The following TPTE2 variants were observed in gnomAD, a reference collection of about 807,000 sequenced individuals.
TPTE2 encodes phosphatidylinositol 3,4,5-trisphosphate 3-phosphatase TPTE2.
Under a neutral mutation model 78.6 loss-of-function variants are expected in TPTE2, and 53 were observed. That is an observed-to-expected ratio of 0.67 (90% confidence interval 0.54 to 0.85). TPTE2 has a LOEUF of 0.85. TPTE2 is among the 40% of genes least tolerant of loss of function. TPTE2 has a pLI of 0.00. For missense variants in TPTE2, 461 were observed against 623.0 expected, an observed-to-expected ratio of 0.74 and a Z score of 2.77; for synonymous variants, 175 against 206.2, an observed-to-expected ratio of 0.85 and a Z score of 1.30.
At chr13:19,456,752 A>G (rs1304636385) in intron 10 of TPTE2, among the ~76,000 whole-genome samples, 1 of 152,224 alleles carries the variant, frequency 6.6e-6, no homozygotes, top group East Asian at 1.9e-4. Context: ...TGCCCAAGTC[A>G]AAATACTAAC....
At chr13:19,483,498 C>A (rs754182301) in intron 3 of TPTE2, among the ~76,000 whole-genome samples, 2 of 151,978 alleles carry the variant, frequency 1.3e-5, no homozygotes, top group Non-Finnish European at 2.9e-5. Context: ...GTCATGAGGT[C>A]TCTTTTTTTG....
chr13:19,543,194 G>A, the TPTE2 span, among the ~76,000 whole-genome samples: 1 of 151,866 alleles, frequency 6.6e-6, no homozygotes, highest in African/African-American at 2.4e-5. Flanking sequence ...TGGGACTACA[G>A]GAGTGTGCCA....
chr13:19,494,697 T>C (rs1272177088), intron 1 of TPTE2, among the ~76,000 whole-genome samples: 1 of 152,098 alleles, frequency 6.6e-6, no homozygotes. Context: ...GTGTGAACCA[T>C]TGCACCTGGC....
At chr13:19,491,829 TA>T (rs916859134) in intron 3 of TPTE2, among the ~76,000 whole-genome samples, 2 of 151,996 alleles carry the variant, frequency 1.3e-5, no homozygotes, top group Non-Finnish European at 2.9e-5. Flanking sequence ...TCTCAAAAAA[TA>T]ATAATAATAA....
intron 10 of TPTE2, among the ~76,000 whole-genome samples, chr13:19,455,695 AT>A (rs1169624647): frequency 5.0e-4 from 4 of 8,002 alleles, no homozygotes; most frequent in Non-Finnish European, 4.2e-3. Flanking sequence ...CTAGTGATAC[AT>A]AAAAAAATAC....
At chr13:19,498,905 T>C (rs1424907392) in intron 1 of TPTE2, among the ~76,000 whole-genome samples, 1 of 151,920 alleles carries the variant, frequency 6.6e-6, no homozygotes, top group African/African-American at 2.4e-5. Context: ...AGAAAACCCA[T>C]CTCACATGCA....
At chr13:19,561,166 G>A in the TPTE2 span, 19 of 1,585,346 alleles carry the variant, frequency 1.2e-5, no homozygotes, top group South Asian at 2.2e-5. Flanking sequence ...CAGGAGGCTC[G>A]GGTCTCTGTC....
At chr13:19,438,503 A>G (rs1483695514) in intron 13 of TPTE2, 1 of 915,214 alleles carries the variant, frequency 1.1e-6, no homozygotes, top group Non-Finnish European at 1.3e-6. Context: ...GTACATTAAT[A>G]TAACTGATTC....
Position 19,430,893 on chromosome 13 carries a change from G to A in TPTE2, c.1223-346C>T, listed in dbSNP as rs184571047. Among the ~76,000 whole-genome samples, 9 of 152,244 alleles carry A rather than the reference G, an allele frequency of 5.9e-5. No individual in the cohort carries two copies. The South Asian group carries it at 1.0e-3, about 18-fold the overall frequency. ...TGTAATCCTAGCACTTTGGGAGGGC[G>A]AGGTGGGTGGATTACTTGAGGTCAG... On this transcript the variant is annotated intron_variant, in intron 16 of 19. Transcript: ENST00000400230.
chr13:19,526,754 A>AG (rs1368728086), intron 1 of TPTE2, among the ~76,000 whole-genome samples: 1 of 15,756 alleles, frequency 6.3e-5, no homozygotes, highest in East Asian at 0.05. Flanking sequence ...ATGTGCATAC[A>AG]AAAAAAACTG....
intron 13 of TPTE2, among the ~76,000 whole-genome samples, chr13:19,444,789 A>C (rs1392787114): frequency 2.0e-5 from 3 of 152,246 alleles, no homozygotes; most frequent in Non-Finnish European, 4.4e-5. Flanking sequence ...AAGCTACAGT[A>C]AGATAGTTGT....
intron 13 of TPTE2, among the ~76,000 whole-genome samples, chr13:19,440,919 T>A (rs769797398): frequency 2.0e-4 from 30 of 151,896 alleles, no homozygotes; most frequent in Non-Finnish European, 3.8e-4. Flanking sequence ...AAACCCTATC[T>A]CTACTAAAAA....
chr13:19,425,270 T>G (rs1157967413), intron 18 of TPTE2, among the ~76,000 whole-genome samples: 1 of 152,206 alleles, frequency 6.6e-6, no homozygotes, highest in Non-Finnish European at 1.5e-5. Context: ...GGTCTTTAAT[T>G]TAAATGCTGC....
intron 3 of TPTE2, among the ~76,000 whole-genome samples, chr13:19,490,314 C>T (rs1446978821): frequency 6.6e-6 from 1 of 152,050 alleles, no homozygotes; most frequent in African/African-American, 2.4e-5. Flanking sequence ...CACATGTTAT[C>T]CTAGACTTAA....
At chr13:19,444,556 G>C (rs974936963) in intron 13 of TPTE2, among the ~76,000 whole-genome samples, 3 of 151,968 alleles carry the variant, frequency 2.0e-5, no homozygotes, top group Non-Finnish European at 2.9e-5. Context: ...AGAAATTGAA[G>C]AGGACCTAAC....
intron 3 of TPTE2, among the ~76,000 whole-genome samples, chr13:19,483,379 T>C (rs1195773989): frequency 2.6e-5 from 4 of 152,250 alleles, no homozygotes; most frequent in African/African-American, 9.6e-5. Flanking sequence ...TTGGTTAGTC[T>C]TGGTAGGTCG....
At chr13:19,431,946 G>A (rs533962342) in intron 16 of TPTE2, among the ~76,000 whole-genome samples, 1,449 of 93,852 alleles carry the variant, frequency 0.015, 5 homozygotes, top group East Asian at 0.12. Flanking sequence ...CTGCTTTCCC[G>A]CCTCCCCTGA....
At chr13:19,559,734 C>T in the TPTE2 span, among the ~76,000 whole-genome samples, 72 of 135,240 alleles carry the variant, frequency 5.3e-4, no homozygotes, top group South Asian at 0.014. Flanking sequence ...CCCCTGCAGC[C>T]CCCTGTGGCT....
chr13:19,426,434 A>G, exon 18 of TPTE2: 1 of 1,603,796 alleles, frequency 6.2e-7, no homozygotes, highest in Non-Finnish European at 8.5e-7. Flanking sequence ...CCGAAGAGAA[A>G]AACTGCACTT....
Sources: gnomAD v4.1 joint callset for allele counts (sites outside exome capture counted in the v4.1 genomes callset) on GRCh38, gnomAD v4.1.1 for gene constraint, MANE v1.5 for transcripts, NCBI Gene and HGNC (gene_info 2026-07-23, HGNC 2026-07-21) for gene names.